The following ALDH18A1 variants were observed in gnomAD, a reference collection of about 807,000 sequenced individuals.
ALDH18A1 encodes aldehyde dehydrogenase 18 family member A1, also known as delta-1-pyrroline-5-carboxylate synthase.
A neutral mutation model predicts 88.8 loss-of-function variants in ALDH18A1; 44 were observed. The observed-to-expected ratio is 0.50, with a 90% CI of 0.39 to 0.64. ALDH18A1 has a LOEUF of 0.64. ALDH18A1 is among the 30% of genes least tolerant of loss of function. The probability of loss-of-function intolerance (pLI) is 0.00; values close to 1 mark genes in which losing one functional copy is unlikely to be tolerated. For missense variants in ALDH18A1, 782 were observed against 1,009.5 expected (o/e 0.77, Z 3.05); for synonymous variants, 331 against 372.1 (o/e 0.89, Z 1.27).
chr10:95,648,223 G>A (rs1179536725), intron 2 of ALDH18A1, among the ~76,000 whole-genome samples: 3 of 152,106 alleles, frequency 2.0e-5, no homozygotes, highest in African/African-American at 7.2e-5. Flanking sequence ...GATGTCCACT[G>A]CAACCCCGTA....
At chr10:95,630,393 T>C (rs542506152) in intron 7 of ALDH18A1, among the ~76,000 whole-genome samples, 5 of 152,370 alleles carry the variant, frequency 3.3e-5, no homozygotes, top group Non-Finnish European at 7.3e-5. Flanking sequence ...TAGCACACTA[T>C]GTGCTCATGC....
chr10:95,625,743 C>A (rs182762330), intron 10 of ALDH18A1, among the ~76,000 whole-genome samples: 14 of 142,006 alleles, frequency 9.9e-5, no homozygotes, highest in Admixed American at 3.6e-4. Context: ...TAGTAATAAT[C>A]AGGAGTCATA....
chr10:95,640,981 T>G (rs778316868), intron 3 of ALDH18A1, among the ~76,000 whole-genome samples: 2 of 152,206 alleles, frequency 1.3e-5, no homozygotes, highest in Non-Finnish European at 2.9e-5. Flanking sequence ...CCACCACCTC[T>G]GCTTTCCAGC....
At chr10:95,653,557 T>C (rs2097913633) in intron 1 of ALDH18A1, among the ~76,000 whole-genome samples, 152 bp from the exon 2 acceptor site, 1 of 152,116 alleles carries the variant, frequency 6.6e-6, no homozygotes, top group South Asian at 2.1e-4. Context: ...CTCTATATTA[T>C]AGAAAAGAGA....
At chr10:95,646,051 G>C (rs2097900819) in intron 2 of ALDH18A1, among the ~76,000 whole-genome samples, 1 of 152,202 alleles carries the variant, frequency 6.6e-6, no homozygotes, top group African/African-American at 2.4e-5. Context: ...TACTCCCCTA[G>C]GGTTTGGACC....
intron 2 of ALDH18A1, among the ~76,000 whole-genome samples, chr10:95,650,420 A>G (rs1445777963): frequency 6.6e-6 from 1 of 152,136 alleles, no homozygotes; most frequent in African/African-American, 2.4e-5. Context: ...CCAGTGTTGG[A>G]GGTGGGGCCT....
chr10:95,626,669 AAACTAT>A (rs1197195437), intron 10 of ALDH18A1, 28 bp downstream of exon 10: 1 of 1,608,028 alleles, frequency 6.2e-7, no homozygotes, highest in Admixed American at 1.7e-5. Flanking sequence ...CTCACTCTGA[AAACTAT>A]AACAATATTA....
intron 11 of ALDH18A1, among the ~76,000 whole-genome samples, chr10:95,622,855 C>T (rs1711886245): frequency 6.6e-6 from 1 of 152,004 alleles, no homozygotes; most frequent in Non-Finnish European, 1.5e-5. Flanking sequence ...TTTTAAAAAA[C>T]AGTAGTATGC....
At chr10:95,651,418 T>C (rs949393841) in intron 2 of ALDH18A1, among the ~76,000 whole-genome samples, 34 of 149,966 alleles carry the variant, frequency 2.3e-4, no homozygotes, top group African/African-American at 8.0e-4. Flanking sequence ...CAGTTTCTTA[T>C]AAAACTGTGT....
intron 5 of ALDH18A1, among the ~76,000 whole-genome samples, chr10:95,635,206 C>T (rs890467403): frequency 2.0e-5 from 3 of 151,962 alleles, no homozygotes; most frequent in African/African-American, 7.3e-5. Flanking sequence ...TTCAGAAAAG[C>T]TTAGTGCTGT....
At chr10:95,652,586 T>C (rs935699095) in intron 2 of ALDH18A1, among the ~76,000 whole-genome samples, 4 of 151,614 alleles carry the variant, frequency 2.6e-5, no homozygotes, top group African/African-American at 9.7e-5. Context: ...AAATACAAAA[T>C]TAGCTGGGTA....
chr10:95,628,370 T>G lies in ALDH18A1; in HGVS notation c.931A>C (p.Lys311Gln), dbSNP rs1182501800. The stretch of plus-strand genomic sequence containing the variant: ...CAGTTAAGGCACCAGATTCTTACCT[T>G]GGCTTCCATGCCACCCATTCCCACT... ...SRVGMGGMEA[K>Q]VKAALWALQG... is the part of the protein sequence containing the mutation. Residue 311 changes from lysine to glutamine, a missense_variant and splice_region_variant, in exon 8 of 18, where the codon AAG (lysine) becomes CAG (glutamine). This residue lies in a region of ALDH18A1 where 556 missense variants were observed against 654.5 expected (regional missense o/e 0.85). Coordinates refer to ENST00000371224, the MANE Select transcript of ALDH18A1 (RefSeq NM_002860.4). 3 of 1,614,038 alleles carry G rather than the reference T, an allele frequency of 1.9e-6. No homozygotes were observed. The highest frequency in any genetic ancestry group is 2.5e-6 in the Non-Finnish European group (3 of 1,179,998).
chr10:95,655,751 CTGTG>C (rs1173076284), intron 1 of ALDH18A1, among the ~76,000 whole-genome samples: 1 of 151,902 alleles, frequency 6.6e-6, no homozygotes, highest in Non-Finnish European at 1.5e-5. Context: ...TGTCTCGACT[CTGTG>C]TGTGTGTTTA....
intron 2 of ALDH18A1, among the ~76,000 whole-genome samples, chr10:95,645,436 T>C (rs2097899642): frequency 6.6e-6 from 1 of 152,186 alleles, no homozygotes; most frequent in Non-Finnish European, 1.5e-5. Context: ...AAAATTTCTT[T>C]AGACCTTCTG....
chr10:95,644,625 C>T (rs547360095), intron 2 of ALDH18A1, among the ~76,000 whole-genome samples: 2 of 152,324 alleles, frequency 1.3e-5, no homozygotes, highest in South Asian at 4.1e-4. Context: ...CACACAATTA[C>T]CAGATCCCCA....
At chr10:95,627,649 T>C (rs2097862338) in intron 8 of ALDH18A1, 63 bp from the exon 9 acceptor site, 2 of 1,588,172 alleles carry the variant, frequency 1.3e-6, no homozygotes, top group Non-Finnish European at 1.7e-6. Flanking sequence ...CATTTTAAAC[T>C]TGCAAAAAGA....
At chr10:95,649,339 C>T (rs2139658212) in intron 2 of ALDH18A1, among the ~76,000 whole-genome samples, 1 of 151,528 alleles carries the variant, frequency 6.6e-6, no homozygotes, top group East Asian at 1.9e-4. Context: ...AACATAGACT[C>T]CATTTTTACA....
chr10:95,636,284 T>G (rs1230602088), intron 5 of ALDH18A1, among the ~76,000 whole-genome samples: 1 of 152,246 alleles, frequency 6.6e-6, no homozygotes. Flanking sequence ...AAATAACAGC[T>G]ATTTTACATC....
chr10:95,633,114 G>T, intron 6 of ALDH18A1, 65 bp from the exon 7 acceptor site: 1 of 1,443,004 alleles, frequency 6.9e-7, no homozygotes, highest in South Asian at 1.2e-5. Context: ...ATTCATGGAA[G>T]AACACAGCCA....
Sources: gnomAD v4.1 joint callset for allele counts (sites outside exome capture counted in the v4.1 genomes callset) on GRCh38, gnomAD v4.1.1 for gene constraint, gnomAD v4.1.1 regional missense constraint, MANE v1.5 for transcripts, NCBI Gene and HGNC (gene_info 2026-07-23, HGNC 2026-07-21) for gene names.